The following RASGRP3 variants were observed in gnomAD, a reference collection of about 807,000 sequenced individuals.
RASGRP3 encodes ras guanyl-releasing protein 3.
A neutral mutation model predicts 82.7 loss-of-function variants in RASGRP3; 54 were observed. The ratio of observed to expected loss-of-function variants is 0.65; its 90% CI spans 0.52 to 0.82. RASGRP3 has a LOEUF of 0.82. Among genes scored for constraint, RASGRP3 ranks in the 40% least tolerant of loss-of-function variants. RASGRP3 has a pLI of 0.00. For missense variants in RASGRP3, 861 were observed against 828.9 expected, an observed-to-expected ratio of 1.04 and a Z score of -0.48; for synonymous variants, 309 against 300.5, an observed-to-expected ratio of 1.03 and a Z score of -0.29.
upstream of RASGRP3, among the ~76,000 whole-genome samples, chr2:33,475,001 G>C (rs1667273623): frequency 6.6e-6 from 1 of 152,154 alleles, no homozygotes; most frequent in Admixed American, 6.5e-5. Context: ...GATGCCATCA[G>C]ATCACAAAAG....
At chr2:33,561,423 A>G (rs1039807768) in intron 17 of RASGRP3, among the ~76,000 whole-genome samples, 5 of 152,116 alleles carry the variant, frequency 3.3e-5, no homozygotes, top group Admixed American at 2.6e-4. Context: ...ATTTAATTTC[A>G]TCTGTGCTAA....
At chr2:33,521,046 C>A (rs1009613231) in intron 6 of RASGRP3, among the ~76,000 whole-genome samples, 1 of 152,136 alleles carries the variant, frequency 6.6e-6, no homozygotes, top group African/African-American at 2.4e-5. Flanking sequence ...GTCTGCAGAC[C>A]AGCAGCATTG....
chr2:33,561,246 C>A (rs1369586741), intron 17 of RASGRP3, among the ~76,000 whole-genome samples: 1 of 151,828 alleles, frequency 6.6e-6, no homozygotes, highest in South Asian at 2.1e-4. Context: ...TTTGCATTTT[C>A]AATAGAGACA....
At chr2:33,454,877 A>G (rs1421844899) in intron 2 of RASGRP3, among the ~76,000 whole-genome samples, 18 of 152,188 alleles carry the variant, frequency 1.2e-4, no homozygotes, top group Non-Finnish European at 2.5e-4. Flanking sequence ...ATGTCCTAAA[A>G]ATTTGGGGAA....
intron 15 of RASGRP3, among the ~76,000 whole-genome samples, chr2:33,556,367 C>A (rs925943493): frequency 8.1e-6 from 1 of 123,490 alleles, no homozygotes; most frequent in East Asian, 2.2e-4. Flanking sequence ...CCTGCCTCAG[C>A]CTCCCGAGTA....
At chr2:33,459,066 T>C (rs1666204615) in intron 2 of RASGRP3, among the ~76,000 whole-genome samples, 1 of 152,208 alleles carries the variant, frequency 6.6e-6, no homozygotes, top group Non-Finnish European at 1.5e-5. Context: ...TGGTGGGATA[T>C]AATGCTGAAA....
rs536422030 is a variant in RASGRP3 at position 33,538,300 on chromosome 2, C to G, written c.1162-794C>G. 1.8e-4 allele frequency among the ~76,000 whole-genome samples: 28 copies of G among 151,948 alleles called. No individual in the cohort carries two copies. In the East Asian group the frequency reaches 5.1e-3, roughly 27 times the overall value. On this transcript the variant is annotated intron_variant, in intron 11 of 17. Coordinates refer to ENST00000403687, the MANE Select transcript of RASGRP3 (RefSeq NM_001139488.2). ...GGTGGATCATCTGAGGTCAGGAGTTCGAGACCAGCCTGGCCAACATGGTGG... is the reference window on the plus strand; with the variant it reads ...GGTGGATCATCTGAGGTCAGGAGTTGGAGACCAGCCTGGCCAACATGGTGG...
intron 2 of RASGRP3, among the ~76,000 whole-genome samples, chr2:33,459,457 T>G (rs1666234035): frequency 6.6e-6 from 1 of 152,180 alleles, no homozygotes; most frequent in African/African-American, 2.4e-5. Context: ...TCTATAACTT[T>G]GCATTGCTTT....
In RASGRP3 at chr2:33,496,095, T is replaced by C. The variant is rs576955993; in HGVS notation, c.-260-15615T>C. Among the ~76,000 whole-genome samples the C allele has an allele frequency of 6.0e-4, 92 of 152,348 alleles. 1 individual carries two copies. The highest frequency in any genetic ancestry group is 2.1e-3 in the African/African-American group (89 of 41,594). The stretch of plus-strand genomic sequence containing the variant: ...TCCTGTATGGCCCTAACAAAAAATA[T>C]ACATCTAGGGGCTAAATCTGTTTAT... On this transcript the variant is annotated intron_variant, in intron 1 of 17. Transcript: ENST00000403687.
At chr2:33,470,064 G>A (rs1458885070) in intron 2 of RASGRP3, among the ~76,000 whole-genome samples, 1 of 151,478 alleles carries the variant, frequency 6.6e-6, no homozygotes, top group Non-Finnish European at 1.5e-5. Context: ...TCTCCCTTGT[G>A]GTTCTTTTCT....
chr2:33,546,414 C>T (rs1674757575), intron 13 of RASGRP3, among the ~76,000 whole-genome samples: 1 of 146,450 alleles, frequency 6.8e-6, no homozygotes, highest in South Asian at 2.2e-4. Flanking sequence ...CAGAGCAAGA[C>T]TCCGTCTCAA....
At chr2:33,469,556 C>G (rs912259069) in intron 2 of RASGRP3, among the ~76,000 whole-genome samples, 1 of 151,486 alleles carries the variant, frequency 6.6e-6, no homozygotes, top group Non-Finnish European at 1.5e-5. Flanking sequence ...ACCTCCTGGG[C>G]TCAAGTGATT....
rs1231977888 is a variant in RASGRP3 at position 33,524,416 on chromosome 2, T to C, written c.691-16T>C. On this transcript the variant is annotated splice_polypyrimidine_tract_variant and intron_variant, in intron 8 of 17. Coordinates refer to ENST00000403687, the MANE Select transcript of RASGRP3 (RefSeq NM_001139488.2). ...TTTGAAAATCCTTAAAAAGCATTGA[T>C]GCATTTTTATTGCAGAAGCTCCTTC... is the stretch of plus-strand genomic sequence containing the variant. 1.4e-6 allele frequency: 2 copies of C among 1,465,786 alleles called. No individual in the cohort carries two copies. Among genetic ancestry groups the C allele is most frequent in the Non-Finnish European group, 1.9e-6 (2 of 1,070,866 alleles). 90.8% of individuals were successfully genotyped at this position (1,465,786 alleles called of 1,614,324 possible).
At chr2:33,546,842 C>T (rs1002172002) in intron 13 of RASGRP3, among the ~76,000 whole-genome samples, 6 of 151,884 alleles carry the variant, frequency 4.0e-5, no homozygotes, top group Admixed American at 1.3e-4. Flanking sequence ...CTGAGGCAGG[C>T]GGAACACCTG....
At chr2:33,534,618 T>C (rs2151055505) in intron 11 of RASGRP3, among the ~76,000 whole-genome samples, 1 of 152,080 alleles carries the variant, frequency 6.6e-6, no homozygotes, top group East Asian at 1.9e-4. Flanking sequence ...AACCTCCGCC[T>C]CCTGGGTTCA....
chr2:33,437,810 A>G (rs1297760080), intron 1 of RASGRP3, among the ~76,000 whole-genome samples: 1 of 152,144 alleles, frequency 6.6e-6, no homozygotes, highest in African/African-American at 2.4e-5. Context: ...ATGATTTCTT[A>G]GCTGAACTTA....
chr2:33,534,323 C>T lies in RASGRP3; in HGVS notation c.1084C>T (p.Leu362Phe). ...PNMDLINLLT[L>F]SLDLYHTEDD... ...TTTATCCCTTCTAATTTTGTTGTAG[C>T]TTTCCCTGGACCTCTATCACACTGA... The change falls in exon 11 of 18, where the codon CTT becomes TTT. Residue 362 changes from leucine to phenylalanine, a missense_variant and splice_region_variant. By Grantham distance (22) the Leu-to-Phe change is conservative. Coordinates refer to ENST00000403687, the MANE Select transcript of RASGRP3 (RefSeq NM_001139488.2). The T allele has an allele frequency of 6.4e-7, 1 of 1,557,698 alleles. No homozygotes were observed. Among genetic ancestry groups the T allele is most frequent in the Non-Finnish European group, 8.8e-7 (1 of 1,130,576 alleles).
chr2:33,552,929 T>G (rs1009143294), intron 14 of RASGRP3, among the ~76,000 whole-genome samples: 1 of 152,052 alleles, frequency 6.6e-6, no homozygotes, highest in Admixed American at 6.6e-5. Flanking sequence ...CAAAGGACTG[T>G]GGGAAATACT....
intron 10 of RASGRP3, among the ~76,000 whole-genome samples, chr2:33,528,759 C>A (rs956695661): frequency 2.6e-5 from 4 of 152,260 alleles, no homozygotes; most frequent in Non-Finnish European, 5.9e-5. Context: ...TCAAATAAAG[C>A]AGAAGTGGCC....
Sources: gnomAD v4.1 joint callset for allele counts (sites outside exome capture counted in the v4.1 genomes callset) on GRCh38, gnomAD v4.1.1 for gene constraint, MANE v1.5 for transcripts, NCBI Gene and HGNC (gene_info 2026-07-23, HGNC 2026-07-21) for gene names.